FBXL7: variants seen among roughly 807,000 people sequenced by gnomAD.
FBXL7 encodes F-box and leucine rich repeat protein 7.
FBXL7 carries 12 observed loss-of-function variants against 38.3 expected under a neutral mutation model. That is an observed-to-expected ratio of 0.31 (90% confidence interval 0.20 to 0.51). The LOEUF is 0.51. FBXL7 is among the 20% of genes least tolerant of loss of function. FBXL7 has a pLI of 0.98. For missense variants in FBXL7, 567 were observed against 676.4 expected, an observed-to-expected ratio of 0.84 and a Z score of 1.79; for synonymous variants, 297 against 300.9, an observed-to-expected ratio of 0.99 and a Z score of 0.13.
intron 2 of FBXL7, among the ~76,000 whole-genome samples, chr5:15,737,536 T>G (rs1336313015): frequency 1.3e-5 from 2 of 152,164 alleles, no homozygotes; most frequent in East Asian, 3.8e-4. Flanking sequence ...GACTTGGGAA[T>G]GTTGGAAGGG....
intron 2 of FBXL7, among the ~76,000 whole-genome samples, chr5:15,877,964 A>G (rs1740280997): frequency 6.6e-6 from 1 of 152,158 alleles, no homozygotes; most frequent in South Asian, 2.1e-4. Flanking sequence ...TTCTAGCCTT[A>G]CCAGACTTTC....
intron 2 of FBXL7, among the ~76,000 whole-genome samples, chr5:15,743,813 G>A (rs1735949981): frequency 6.6e-6 from 1 of 152,212 alleles, no homozygotes; most frequent in African/African-American, 2.4e-5. Flanking sequence ...TGAAATCTAG[G>A]CAGAAGTTCC....
intron 2 of FBXL7, among the ~76,000 whole-genome samples, chr5:15,823,717 G>A (rs1264464727): frequency 6.6e-6 from 1 of 152,038 alleles, no homozygotes; most frequent in Non-Finnish European, 1.5e-5. Context: ...CCTCCAGCAA[G>A]CCGTATTGAT....
chr5:15,650,585 A>T (rs4702091), intron 2 of FBXL7, among the ~76,000 whole-genome samples: 5,397 of 152,322 alleles, frequency 0.035, 142 homozygotes, highest in East Asian at 0.053. Flanking sequence ...GCTGTTTGAT[A>T]GCATATTATC....
intron 2 of FBXL7, among the ~76,000 whole-genome samples, chr5:15,766,984 T>A (rs1317497798): frequency 6.6e-6 from 1 of 152,236 alleles, no homozygotes; most frequent in Non-Finnish European, 1.5e-5. Context: ...AATTTTCTTT[T>A]TTTTTCTGTT....
chr5:15,852,859 G>C (rs1206376832), intron 2 of FBXL7, among the ~76,000 whole-genome samples: 1 of 152,122 alleles, frequency 6.6e-6, no homozygotes, highest in Admixed American at 6.6e-5. Context: ...CTTACTAGAG[G>C]CAAAGCACTC....
At chr5:15,855,293 A>G (rs1739222977) in intron 2 of FBXL7, among the ~76,000 whole-genome samples, 1 of 152,192 alleles carries the variant, frequency 6.6e-6, no homozygotes, top group Admixed American at 6.5e-5. Context: ...GTAATTTTAC[A>G]TCTGAAAAAT....
At chr5:15,671,589 A>T (rs1270568546) in intron 2 of FBXL7, among the ~76,000 whole-genome samples, 1 of 152,234 alleles carries the variant, frequency 6.6e-6, no homozygotes, top group Admixed American at 6.5e-5. Flanking sequence ...AGAAGCAATG[A>T]CTTTGTTTTT....
rs576634524 is a variant in FBXL7, at chr5:15,898,482, C to G, written c.128-29408C>G. 3.2e-4 allele frequency among the ~76,000 whole-genome samples: 49 copies of G among 152,182 alleles called. 1 individual carries two copies. In the South Asian group the frequency reaches 0.01, roughly 32 times the overall value. On this transcript the variant is annotated intron_variant, in intron 2 of 3. Coordinates refer to ENST00000504595, the MANE Select transcript of FBXL7 (RefSeq NM_012304.5). ...AAAAGGGAGAAAGCAGAAGGGATAT[C>G]CTGCCTATCAGTCAGCATTAAAAGA...
chr5:15,508,906 GTGA>G (rs1473469382), intron 1 of FBXL7, among the ~76,000 whole-genome samples: 3 of 152,148 alleles, frequency 2.0e-5, no homozygotes, highest in Non-Finnish European at 2.9e-5. Flanking sequence ...AAAATTGGAT[GTGA>G]TAAATGATTT....
intron 3 of FBXL7, among the ~76,000 whole-genome samples, chr5:15,932,875 T>A (rs1742079203): frequency 6.6e-6 from 1 of 152,198 alleles, no homozygotes; most frequent in Admixed American, 6.5e-5. Context: ...CATTTTCTAC[T>A]GTATATCTCT....
At chr5:15,727,344 A>G (rs1020497848) in intron 2 of FBXL7, among the ~76,000 whole-genome samples, 3 of 151,830 alleles carry the variant, frequency 2.0e-5, no homozygotes, top group Admixed American at 1.3e-4. Context: ...GTGTTCTTTT[A>G]TTTCACCCTT....
chr5:15,647,130 T>C, intron 2 of FBXL7, among the ~76,000 whole-genome samples: 1 of 152,372 alleles, frequency 6.6e-6, no homozygotes, highest in Non-Finnish European at 1.5e-5. Flanking sequence ...AATTCCAATG[T>C]ATCTGTGTAA....
chr5:15,572,844 C>T (rs1165571234), intron 1 of FBXL7, among the ~76,000 whole-genome samples: 3 of 152,154 alleles, frequency 2.0e-5, no homozygotes. Context: ...CCATACACCC[C>T]CAAGATACCA....
At chr5:15,888,251 GGA>G (rs1740761470) in intron 2 of FBXL7, among the ~76,000 whole-genome samples, 1 of 147,284 alleles carries the variant, frequency 6.8e-6, no homozygotes, top group Non-Finnish European at 1.5e-5. Context: ...TTTTTGAGAT[GGA>G]GTTTCGCTCT....
At chr5:15,524,503 G>C (rs1178039003) in intron 1 of FBXL7, among the ~76,000 whole-genome samples, 1 of 152,166 alleles carries the variant, frequency 6.6e-6, no homozygotes, top group East Asian at 1.9e-4. Context: ...ATATCTGTGT[G>C]TGTAATTTCT....
At chr5:15,510,648 A>C (rs1736769763) in intron 1 of FBXL7, among the ~76,000 whole-genome samples, 1 of 152,200 alleles carries the variant, frequency 6.6e-6, no homozygotes, top group South Asian at 2.1e-4. Flanking sequence ...CTAATGTAAA[A>C]AGAACAAAAT....
intron 2 of FBXL7, among the ~76,000 whole-genome samples, chr5:15,883,857 A>G (rs1482536472): frequency 6.6e-6 from 1 of 152,242 alleles, no homozygotes; most frequent in Non-Finnish European, 1.5e-5. Flanking sequence ...TATAATTTCA[A>G]ACATGGATAA....
intron 2 of FBXL7, among the ~76,000 whole-genome samples, chr5:15,881,858 T>C (rs912473795): frequency 2.6e-5 from 4 of 152,182 alleles, no homozygotes; most frequent in Non-Finnish European, 5.9e-5. Context: ...TACCTGAGAT[T>C]GGGTAATTTA....
Sources: allele counts gnomAD v4.1 joint callset (sites outside exome capture counted in the v4.1 genomes callset), GRCh38; gene constraint gnomAD v4.1.1; transcripts MANE v1.5; gene names NCBI Gene and HGNC (gene_info 2026-07-23, HGNC 2026-07-21).